NR3C2: variants seen among roughly 807,000 people sequenced by gnomAD.
NR3C2 encodes nuclear receptor subfamily 3 group C member 2, also known as mineralocorticoid receptor.
Under a neutral mutation model 86.4 loss-of-function variants are expected in NR3C2, and 15 were observed. The observed-to-expected ratio is 0.17, with a 90% CI of 0.12 to 0.27. The LOEUF is 0.27. Among genes scored for constraint, NR3C2 ranks in the 10% least tolerant of loss-of-function variants. The pLI is 1.00. For synonymous variants in NR3C2, 458 were observed against 450.5 expected (o/e 1.02, Z -0.21); for missense variants, 960 against 1,195.6 (o/e 0.80, Z 2.91).
chr4:148,410,434 A>G (rs1388991017), intron 2 of NR3C2, among the ~76,000 whole-genome samples: 1 of 152,222 alleles, frequency 6.6e-6, no homozygotes, highest in African/African-American at 2.4e-5. Flanking sequence ...ATTTTCTCAA[A>G]TCTTCAGTTC....
At chr4:148,136,066 A>AAAC (rs1553988815) in intron 6 of NR3C2, among the ~76,000 whole-genome samples, 27 of 97,652 alleles carry the variant, frequency 2.8e-4, no homozygotes, top group Non-Finnish European at 5.2e-4. Flanking sequence ...CAAAAAAAAA[A>AAAC]AAAAAAAAAA....
intron 6 of NR3C2, among the ~76,000 whole-genome samples, chr4:148,132,503 C>T (rs1031702501): frequency 6.6e-6 from 1 of 152,196 alleles, no homozygotes; most frequent in Non-Finnish European, 1.5e-5. Context: ...CATGAATACG[C>T]CTGGCACTTA....
At chr4:148,265,674 G>T (rs1423746854) in intron 2 of NR3C2, among the ~76,000 whole-genome samples, 2 of 151,992 alleles carry the variant, frequency 1.3e-5, no homozygotes, top group African/African-American at 4.8e-5. Context: ...CACCATCACC[G>T]GCTACAGTGT....
At chr4:148,308,694 C>A (rs1474194415) in intron 2 of NR3C2, among the ~76,000 whole-genome samples, 4 of 152,002 alleles carry the variant, frequency 2.6e-5, no homozygotes, top group Admixed American at 6.6e-5. Context: ...CTATAGTTAA[C>A]AACAACATGT....
At chr4:148,181,155 A>G (rs1359581943) in intron 4 of NR3C2, among the ~76,000 whole-genome samples, 3 of 152,214 alleles carry the variant, frequency 2.0e-5, no homozygotes, top group Non-Finnish European at 4.4e-5. Flanking sequence ...TGGAACCAGA[A>G]TTAGGAACCA....
At position 148,435,834 on chromosome 4, in the gene NR3C2, A is replaced by G; in HGVS notation, c.1027T>C (p.Tyr343His). 1 of 1,614,228 alleles carries G rather than the reference A, an allele frequency of 6.2e-7. No individual in the cohort carries two copies. Among genetic ancestry groups the G allele is most frequent in the Non-Finnish European group, 8.5e-7 (1 of 1,180,054 alleles). Residue 343 changes from tyrosine to histidine, a missense_variant, in exon 2 of 9, where the codon TAC becomes CAC. Transcript: ENST00000358102. Reference sequence around the variant, plus strand: ...CCAGCAGAGGTGCCAGAAGCAGTGTAGCTGAAGGCATTGTTTACAGGGCTA... The same window carrying G: ...CCAGCAGAGGTGCCAGAAGCAGTGTGGCTGAAGGCATTGTTTACAGGGCTA... ...ICSPVNNAFS[Y>H]TASGTSAGSS...
chr4:148,416,544 G>A (rs529815687), intron 2 of NR3C2, among the ~76,000 whole-genome samples: 26 of 152,316 alleles, frequency 1.7e-4, no homozygotes, highest in African/African-American at 5.8e-4. Context: ...CCATGCTCTG[G>A]AATCAAGTTA....
intron 3 of NR3C2, among the ~76,000 whole-genome samples, chr4:148,250,193 T>C (rs1020046333): frequency 6.6e-6 from 1 of 152,152 alleles, no homozygotes; most frequent in African/African-American, 2.4e-5. Flanking sequence ...GGGCAGTATA[T>C]ATAGATATTG....
intron 3 of NR3C2, among the ~76,000 whole-genome samples, chr4:148,257,699 T>C (rs558484663): frequency 1.3e-5 from 2 of 152,214 alleles, no homozygotes; most frequent in African/African-American, 4.8e-5. Context: ...CTTTTTCACA[T>C]ATTTAATCTC....
chr4:148,214,412 AC>A (rs777154300), intron 3 of NR3C2, among the ~76,000 whole-genome samples: 24 of 152,120 alleles, frequency 1.6e-4, no homozygotes, highest in Non-Finnish European at 2.8e-4. Flanking sequence ...TATGTTATAT[AC>A]CCACTTTCCA....
chr4:148,331,156 T>C (rs530931752), intron 2 of NR3C2, among the ~76,000 whole-genome samples: 13 of 151,766 alleles, frequency 8.6e-5, no homozygotes, highest in Non-Finnish European at 1.8e-4. Context: ...TCCCAAACTT[T>C]GTCATCCATA....
chr4:148,085,021 A>G (rs1273929264), intron 8 of NR3C2, among the ~76,000 whole-genome samples: 1 of 152,218 alleles, frequency 6.6e-6, no homozygotes, highest in African/African-American at 2.4e-5. Flanking sequence ...TTAGAGACAT[A>G]CACAGAGACT....
intron 6 of NR3C2, among the ~76,000 whole-genome samples, chr4:148,127,499 C>T (rs1732809018): frequency 6.6e-6 from 1 of 152,156 alleles, no homozygotes; most frequent in African/African-American, 2.4e-5. Flanking sequence ...GACCAAAAGT[C>T]ACCCTTGAAC....
At chr4:148,259,151 C>G (rs1014165914) in intron 3 of NR3C2, among the ~76,000 whole-genome samples, 2 of 152,180 alleles carry the variant, frequency 1.3e-5, no homozygotes, top group South Asian at 4.1e-4. Flanking sequence ...AAGAAAACTT[C>G]TCTGAGAAAT....
chr4:148,419,266 C>T (rs971793182), intron 2 of NR3C2, among the ~76,000 whole-genome samples: 13 of 152,112 alleles, frequency 8.5e-5, no homozygotes. Context: ...CTTCCTGCTA[C>T]GTAGTTATAT....
intron 2 of NR3C2, among the ~76,000 whole-genome samples, chr4:148,366,047 C>A (rs1365826200): frequency 6.6e-6 from 1 of 152,082 alleles, no homozygotes; most frequent in Non-Finnish European, 1.5e-5. Flanking sequence ...TAAATTCAAA[C>A]CTTTTATTTC....
intron 3 of NR3C2, among the ~76,000 whole-genome samples, chr4:148,241,941 C>CA (rs1413906961): frequency 6.6e-6 from 1 of 151,706 alleles, no homozygotes; most frequent in East Asian, 1.9e-4. Context: ...ATAAGCCAGT[C>CA]AAAAAAGGAC....
At chr4:148,444,497 C>T (rs139554815), upstream of NR3C2, 101 of 985,862 alleles carry the variant, frequency 1.0e-4, no homozygotes, top group Non-Finnish European at 1.2e-4. Context: ...TCGCCGCTGT[C>T]AGCGCAAAGT....
chr4:148,201,889 C>T (rs1308917238), intron 3 of NR3C2, among the ~76,000 whole-genome samples: 1 of 152,100 alleles, frequency 6.6e-6, no homozygotes, highest in African/African-American at 2.4e-5. Flanking sequence ...AGGGTAGTAC[C>T]CTTTTATCAA....
Sources: gnomAD v4.1 joint callset for allele counts (sites outside exome capture counted in the v4.1 genomes callset) on GRCh38, gnomAD v4.1.1 for gene constraint, MANE v1.5 for transcripts, NCBI Gene and HGNC (gene_info 2026-07-23, HGNC 2026-07-21) for gene names.